The following ZDBF2 variants were observed in gnomAD, a reference collection of about 807,000 sequenced individuals.
ZDBF2 encodes the protein DBF4-type zinc finger-containing protein 2.
In ZDBF2, 6 loss-of-function variants were observed where a neutral mutation model predicts 9.4. The observed-to-expected ratio is 0.64, with a 90% CI of 0.35 to 1.27. ZDBF2 has a LOEUF of 1.27. Ranked by LOEUF, ZDBF2 falls within the 50% of genes most tolerant of loss-of-function variation. The pLI is 0.03. For synonymous variants in ZDBF2, 905 were observed against 946.3 expected (o/e 0.96, Z 0.80); for missense variants, 2,697 against 2,766.8 (o/e 0.97, Z 0.57).
intron 1 of ZDBF2, among the ~76,000 whole-genome samples, chr2:206,276,320 G>A (rs1466384202): frequency 6.6e-6 from 1 of 152,094 alleles, no homozygotes; most frequent in Non-Finnish European, 1.5e-5. Flanking sequence ...TCTTTTAAGT[G>A]TGCGTATGTG....
chr2:206,310,891 A>G lies in ZDBF2; in HGVS notation c.6363A>G (p.Gly2121=), dbSNP rs2105972218. The change falls in exon 5 of 5, where the codon GGA becomes GGG. Residue 2121 remains glycine (G), a synonymous_variant. Transcript: ENST00000374423. ...GATATGGATTTAATTCACATCAGGG[A>G]ACCAGTGACTCTTCTCTGTTTCTGG... The part of the protein sequence containing the change: ...PARYGFNSHQ[G]TSDSSLFLEE... 7 of 1,613,930 alleles carry G rather than the reference A, an allele frequency of 4.3e-6. No homozygotes were observed. Among genetic ancestry groups the G allele is most frequent in the Non-Finnish European group, 5.1e-6 (6 of 1,179,878 alleles).
intron 4 of ZDBF2, among the ~76,000 whole-genome samples, chr2:206,300,707 A>T (rs982070416): frequency 6.6e-6 from 1 of 152,178 alleles, no homozygotes; most frequent in Non-Finnish European, 1.5e-5. Context: ...CTTGTTTCTT[A>T]TCTTACTTTT....
chr2:206,299,097 T>G (rs1344017645), intron 4 of ZDBF2, among the ~76,000 whole-genome samples: 1 of 151,410 alleles, frequency 6.6e-6, no homozygotes, highest in Non-Finnish European at 1.5e-5. Context: ...GCCAGGCTGG[T>G]CTCGAACTCC....
chr2:206,287,728 G>T (rs1049584742), intron 3 of ZDBF2, among the ~76,000 whole-genome samples: 4 of 152,078 alleles, frequency 2.6e-5, no homozygotes, highest in African/African-American at 9.7e-5. Flanking sequence ...CATAAGTCTT[G>T]TAGGTTTTTT....
chr2:206,299,118 T>C (rs1219380027), intron 4 of ZDBF2, among the ~76,000 whole-genome samples: 1 of 151,802 alleles, frequency 6.6e-6, no homozygotes, highest in East Asian at 2.0e-4. Flanking sequence ...CGACCTCAGG[T>C]AATCTGCCTG....
chr2:206,309,634 C>G lies in ZDBF2; in HGVS notation c.5106C>G (p.Ser1702Arg). 1 of 1,613,912 alleles carries G rather than the reference C, an allele frequency of 6.2e-7. No homozygotes were observed. Among genetic ancestry groups the G allele is most frequent in the South Asian group, 1.1e-5 (1 of 91,076 alleles). Reference protein sequence around the residue: ...DPRNAGLKGKSCQSSASAVDF... With the variant: ...DPRNAGLKGKRCQSSASAVDF... ...GAAATGCTGGCCTAAAAGGTAAGAGCTGTCAGTCTAGTGCTTCTGCAGTGG... is the reference window on the plus strand; with the variant it reads ...GAAATGCTGGCCTAAAAGGTAAGAGGTGTCAGTCTAGTGCTTCTGCAGTGG... Residue 1702 changes from serine to arginine, a missense_variant, in exon 5 of 5, where the codon AGC (serine) becomes AGG (arginine). By Grantham distance (110) the Ser-to-Arg change is moderately radical. Coordinates refer to ENST00000374423, the MANE Select transcript of ZDBF2 (RefSeq NM_020923.3).
At chr2:206,275,782 G>A (rs375488819) in intron 1 of ZDBF2, among the ~76,000 whole-genome samples, 2 of 152,278 alleles carry the variant, frequency 1.3e-5, no homozygotes, top group South Asian at 2.1e-4. Flanking sequence ...AATTTGGGGG[G>A]TATCTTTCCT....
intron 3 of ZDBF2, among the ~76,000 whole-genome samples, chr2:206,295,508 C>T (rs1184701226): frequency 3.3e-5 from 5 of 151,758 alleles, no homozygotes; most frequent in Non-Finnish European, 7.4e-5. Flanking sequence ...GGACTACAGG[C>T]GCGCAGCACC....
Position 206,307,773 on chromosome 2 carries a change from T to G in ZDBF2, c.3245T>G (p.Phe1082Cys), listed in dbSNP as rs1244200529. ...NSKSGDSKIT[F>C]DSEQLQEAVK... ...AAATCAGGTGATTCTAAAATAACTT[T>G]TGATTCTGAACAACTTCAGGAAGCG... The change falls in exon 5 of 5, where the codon TTT becomes TGT. Residue 1082 changes from phenylalanine (F) to cysteine (C), a missense_variant. Physicochemically the swap from Phe to Cys is radical, Grantham distance 205 (BLOSUM62 -2). This residue lies in a region of ZDBF2 where 1,783 missense variants were observed against 1,776.5 expected (regional missense o/e 1.00). Transcript: ENST00000374423. 1 of 1,610,974 alleles carries G rather than the reference T, an allele frequency of 6.2e-7. No homozygotes were observed. Among genetic ancestry groups the G allele is most frequent in the Non-Finnish European group, 8.5e-7 (1 of 1,179,194 alleles).
chr2:206,281,570 C>CT (rs1300453452), intron 2 of ZDBF2, among the ~76,000 whole-genome samples: 1 of 152,140 alleles, frequency 6.6e-6, no homozygotes. Flanking sequence ...ATTAGAAAAA[C>CT]TAAATATTCA....
chr2:206,298,541 G>T (rs1019154600), intron 4 of ZDBF2, among the ~76,000 whole-genome samples: 1 of 151,930 alleles, frequency 6.6e-6, no homozygotes, highest in African/African-American at 2.4e-5. Flanking sequence ...TTTGTTTTTT[G>T]AGACGGAGTC....
intron 4 of ZDBF2, among the ~76,000 whole-genome samples, chr2:206,298,205 TTTAAGAG>T (rs1203543570): frequency 6.6e-6 from 1 of 152,216 alleles, no homozygotes; most frequent in Non-Finnish European, 1.5e-5. Flanking sequence ...TTTGATAACA[TTTAAGAG>T]TTAATGCCCT....
At chr2:206,289,090 T>C (rs1574389911) in intron 3 of ZDBF2, among the ~76,000 whole-genome samples, 1 of 152,020 alleles carries the variant, frequency 6.6e-6, no homozygotes, top group African/African-American at 2.4e-5. Flanking sequence ...TAGGATGAGG[T>C]GTCTAAGCGT....
chr2:206,296,913 A>AC (rs1692206973), intron 3 of ZDBF2, among the ~76,000 whole-genome samples: 1 of 152,198 alleles, frequency 6.6e-6, no homozygotes. Flanking sequence ...ATAGCTGCAT[A>AC]GTATTACATC....
chr2:206,276,134 A>G (rs1690988497), intron 1 of ZDBF2, among the ~76,000 whole-genome samples: 1 of 152,242 alleles, frequency 6.6e-6, no homozygotes, highest in Non-Finnish European at 1.5e-5. Flanking sequence ...ATAAGATCGC[A>G]TAAAAAAATC....
At position 206,305,102 on chromosome 2, in the gene ZDBF2, C is replaced by T. The variant is rs372689627; in HGVS notation, c.574C>T (p.Pro192Ser). 1.9e-6 allele frequency: 3 copies of T among 1,613,720 alleles called. No homozygotes were observed. The highest frequency in any genetic ancestry group is 2.2e-5 in the South Asian group (2 of 91,048). ...VICNAPASCL[P>S]ESSNDRPVTA... ...TTGTAATGCTCCTGCTAGTTGTTTA[C>T]CTGAAAGCTCTAACGATAGACCAGT... The change falls in exon 5 of 5, where the codon CCT (proline) becomes TCT (serine). Residue 192 changes from proline to serine, a missense_variant. By Grantham distance (74) the Pro-to-Ser change is moderately conservative. Around this residue, in one of 3 missense-constraint regions of ZDBF2, gnomAD observed 910 missense variants for 973.6 expected, o/e 0.93. Coordinates refer to ENST00000374423, the MANE Select transcript of ZDBF2 (RefSeq NM_020923.3).
In ZDBF2 at chr2:206,308,246, G is replaced by C. The variant is rs997213386; in HGVS notation, c.3718G>C (p.Gly1240Arg). The C allele has an allele frequency of 1.9e-6, 3 of 1,613,860 alleles. No individual in the cohort carries two copies. The highest frequency in any genetic ancestry group is 2.5e-6 in the Non-Finnish European group (3 of 1,179,816). The part of the protein sequence containing the change: ...DTEDRRNEAK[G>R]FEIMYDSDVL... The stretch of plus-strand genomic sequence containing the variant: ...GGAAGATAGGAGAAATGAAGCTAAG[G>C]GTTTTGAAATTATGTATGATTCTGA... Residue 1240 changes from glycine to arginine, a missense_variant, in exon 5 of 5, where the codon GGT becomes CGT. Coordinates refer to ENST00000374423, the MANE Select transcript of ZDBF2 (RefSeq NM_020923.3).
rs752510713 is a variant in ZDBF2, at chr2:206,310,682, T to G, written c.6154T>G (p.Tyr2052Asp). The change falls in exon 5 of 5, where the codon TAT (tyrosine) becomes GAT (aspartate). Residue 2052 changes from tyrosine to aspartate, a missense_variant. This residue lies in a region of ZDBF2 where 1,783 missense variants were observed against 1,776.5 expected (regional missense o/e 1.00). Transcript: ENST00000374423. The part of the protein sequence containing the change: ...ICKYKRNIFD[Y>D]YEPLIKQIVI... ...CAAATATAAACGGAATATCTTTGAT[T>G]ATTATGAGCCCTTGATTAAGCAAAT... 6.2e-7 allele frequency: 1 copy of G among 1,612,738 alleles called. No individual in the cohort carries two copies. The highest frequency in any genetic ancestry group is 1.3e-5 in the African/African-American group (1 of 75,010).
rs1692890868 is a variant in ZDBF2, at chr2:206,307,720, A to G, written c.3192A>G (p.Lys1064=). ...CTCAACTAGCTTTTTTGAAGGAAAA[A>G]CATGTTAATCTGAAGGACAAAAACA... is the stretch of plus-strand genomic sequence containing the variant. ...DQPQLAFLKE[K]HVNLKDKNSK... Residue 1064 remains lysine, a synonymous_variant, in exon 5 of 5, where the codon AAA becomes AAG. Coordinates refer to ENST00000374423, the MANE Select transcript of ZDBF2 (RefSeq NM_020923.3). The G allele has an allele frequency of 1.9e-6, 3 of 1,613,528 alleles. No individual in the cohort carries two copies. The highest frequency in any genetic ancestry group is 2.2e-5 in the South Asian group (2 of 90,942).
Sources: gnomAD v4.1 joint callset for allele counts (sites outside exome capture counted in the v4.1 genomes callset) on GRCh38, gnomAD v4.1.1 for gene constraint, gnomAD v4.1.1 regional missense constraint, MANE v1.5 for transcripts, NCBI Gene and HGNC (gene_info 2026-07-23, HGNC 2026-07-21) for gene names.